The following FLI1 variants were observed in gnomAD, a reference collection of about 807,000 sequenced individuals.
The protein encoded by FLI1 is Fli-1 proto-oncogene, ETS transcription factor.
In FLI1, 13 loss-of-function variants were observed where a neutral mutation model predicts 53.1. The observed-to-expected ratio is 0.24, with a 90% CI of 0.16 to 0.39. The LOEUF is 0.39. Among genes scored for constraint, FLI1 ranks in the 10% least tolerant of loss-of-function variants. FLI1 has a pLI of 1.00. For missense variants in FLI1, 424 were observed against 600.5 expected (o/e 0.71, Z 3.07); for synonymous variants, 244 against 236.7 (o/e 1.03, Z -0.28).
At chr11:128,781,704 G>A (rs1274476032) in intron 4 of FLI1, among the ~76,000 whole-genome samples, 3 of 152,268 alleles carry the variant, frequency 2.0e-5, no homozygotes, top group East Asian at 1.9e-4. Flanking sequence ...AGCTTAGGGG[G>A]CGTGGTGTTT....
chr11:128,785,756 CA>C (rs1942058525), intron 5 of FLI1, among the ~76,000 whole-genome samples: 2 of 152,188 alleles, frequency 1.3e-5, no homozygotes, highest in Non-Finnish European at 2.9e-5. Flanking sequence ...GACTCTAGGA[CA>C]AACATTGCAT....
intron 5 of FLI1, among the ~76,000 whole-genome samples, chr11:128,785,486 C>T (rs1000905961): frequency 3.3e-5 from 5 of 151,710 alleles, no homozygotes; most frequent in African/African-American, 1.2e-4. Flanking sequence ...ACTAGAACCC[C>T]CTCACTTTCT....
At chr11:128,707,076 T>C (rs1035480224) in intron 1 of FLI1, among the ~76,000 whole-genome samples, 1 of 152,158 alleles carries the variant, frequency 6.6e-6, no homozygotes, top group Non-Finnish European at 1.5e-5. Context: ...ACGGTTGGTG[T>C]GCTCTGCTTT....
intron 1 of FLI1, among the ~76,000 whole-genome samples, chr11:128,688,817 G>A (rs532525203): frequency 3.3e-5 from 5 of 152,168 alleles, no homozygotes; most frequent in African/African-American, 9.6e-5. Context: ...TAACCGCAAC[G>A]ACATTCATAG....
intron 1 of FLI1, among the ~76,000 whole-genome samples, chr11:128,747,194 A>C (rs1181981904): frequency 6.6e-6 from 1 of 152,238 alleles, no homozygotes; most frequent in Non-Finnish European, 1.5e-5. Flanking sequence ...TGGAGGAGAC[A>C]CGGTGCCCAT....
chr11:128,714,884 T>C (rs1235761868), intron 1 of FLI1, among the ~76,000 whole-genome samples: 1 of 151,998 alleles, frequency 6.6e-6, no homozygotes, highest in Non-Finnish European at 1.5e-5. Flanking sequence ...AATTTTTGTA[T>C]TTTTAGTAGA....
In FLI1 at chr11:128,739,897, G is replaced by C. The variant is rs535369990; in HGVS notation, c.19-18218G>C. 1.1e-4 allele frequency among the ~76,000 whole-genome samples: 16 copies of C among 152,248 alleles called. No homozygotes were observed. The South Asian group carries it at 2.1e-3, about 20-fold the overall frequency. ...ATGGAAATATTAGAAGATCGTTAAGGCATTTTGACAGGATTTTCCTCTAGC... is the reference window on the plus strand; with the variant it reads ...ATGGAAATATTAGAAGATCGTTAAGCCATTTTGACAGGATTTTCCTCTAGC... On this transcript the variant is annotated intron_variant, in intron 1 of 8. Transcript: ENST00000527786.
intron 2 of FLI1, among the ~76,000 whole-genome samples, chr11:128,765,375 G>T (rs1036803956): frequency 1.3e-5 from 2 of 152,214 alleles, no homozygotes; most frequent in Non-Finnish European, 2.9e-5. Flanking sequence ...GAGTCCTGAG[G>T]TGCTGACTTC....
chr11:128,780,134 C>G (rs496844), intron 4 of FLI1, among the ~76,000 whole-genome samples: 61,665 of 152,074 alleles, frequency 0.41, 13,605 homozygotes, highest in Middle Eastern at 0.68. Context: ...CATGGAATAA[C>G]CAAATGTAGC....
chr11:128,812,949 TG>T lies in FLI1; in HGVS notation c.*1964del. The stretch of plus-strand genomic sequence containing the variant: ...ATTTTACAATGAAAAGAGTGAGACC[TG>T]GGAAGTCCTTGATTTGCAAGGAATT... On this transcript the variant is annotated 3_prime_UTR_variant, in exon 9 of 9. Transcript: ENST00000527786. The T allele has an allele frequency of 5.9e-6, 1 of 169,488 alleles. No homozygotes were observed. The highest frequency in any genetic ancestry group is 1.3e-5 in the Non-Finnish European group (1 of 78,240). The allele number at this position is 169,488 out of a possible 1,614,324, so 10.5% of individuals were successfully genotyped here.
chr11:128,703,783 T>C (rs1213539766), intron 1 of FLI1, among the ~76,000 whole-genome samples: 1 of 126,690 alleles, frequency 7.9e-6, no homozygotes, highest in Admixed American at 1.1e-4. Context: ...GCAGAAGTTG[T>C]GGTGAGCCGA....
At chr11:128,757,127 TG>T (rs1304992296) in intron 1 of FLI1, among the ~76,000 whole-genome samples, 2 of 151,542 alleles carry the variant, frequency 1.3e-5, no homozygotes, top group East Asian at 3.9e-4. Flanking sequence ...TTTCTGTTTT[TG>T]TAGAAACACA....
At chr11:128,789,153 G>A (rs554834965) in intron 5 of FLI1, among the ~76,000 whole-genome samples, 2 of 152,170 alleles carry the variant, frequency 1.3e-5, no homozygotes, top group Admixed American at 1.3e-4. Context: ...GGAAACCAGC[G>A]TGTTTGTTGG....
At chr11:128,726,814 T>C (rs1440979544) in intron 1 of FLI1, among the ~76,000 whole-genome samples, 1 of 152,106 alleles carries the variant, frequency 6.6e-6, no homozygotes, top group Non-Finnish European at 1.5e-5. Context: ...TATGTGAATA[T>C]TATAAGTATT....
At chr11:128,783,383 A>G (rs1941984042) in intron 5 of FLI1, among the ~76,000 whole-genome samples, 1 of 152,246 alleles carries the variant, frequency 6.6e-6, no homozygotes, top group Non-Finnish European at 1.5e-5. Flanking sequence ...ATTTAGTGGA[A>G]GAATTATACA....
intron 4 of FLI1, among the ~76,000 whole-genome samples, chr11:128,775,634 T>C (rs917302914): frequency 6.6e-6 from 1 of 152,204 alleles, no homozygotes; most frequent in Admixed American, 6.5e-5. Context: ...TTTAAACGCT[T>C]TTAAAGCCTT....
upstream of FLI1, among the ~76,000 whole-genome samples, chr11:128,693,552 GGAAAAAGCATTAAT>G (rs2135682222): frequency 6.6e-6 from 1 of 152,208 alleles, no homozygotes; most frequent in African/African-American, 2.4e-5. Context: ...GTCTCCGGCT[GGAAAAAGCATTAAT>G]GAACGTATCT....
intron 1 of FLI1, among the ~76,000 whole-genome samples, chr11:128,720,208 G>A (rs1168074600): frequency 1.3e-5 from 2 of 151,910 alleles, no homozygotes; most frequent in Non-Finnish European, 2.9e-5. Context: ...TTAAATTACG[G>A]CCATGTTCCT....
chr11:128,746,975 G>GC (rs1161697605), intron 1 of FLI1, among the ~76,000 whole-genome samples: 3 of 152,212 alleles, frequency 2.0e-5, no homozygotes, highest in Non-Finnish European at 4.4e-5. Context: ...GTGATTGGCT[G>GC]CCTTTTGACC....
Sources: gnomAD v4.1 joint callset for allele counts (sites outside exome capture counted in the v4.1 genomes callset) on GRCh38, gnomAD v4.1.1 for gene constraint, MANE v1.5 for transcripts, NCBI Gene and HGNC (gene_info 2026-07-23, HGNC 2026-07-21) for gene names.